The following C19orf38 variants were observed in gnomAD, a reference collection of about 807,000 sequenced individuals.
C19orf38 encodes the protein chromosome 19 open reading frame 38, also known as protein HIDE1.
In C19orf38, 14 loss-of-function variants were observed where a neutral mutation model predicts 26.6. The ratio of observed to expected loss-of-function variants is 0.53; its 90% CI spans 0.35 to 0.82. The LOEUF is 0.82. Ranked by LOEUF, C19orf38 falls within the 40% of genes least tolerant of loss-of-function variation. The pLI is 0.01. For synonymous variants in C19orf38, 132 were observed against 128.5 expected (o/e 1.03, Z -0.18); for missense variants, 261 against 299.5 (o/e 0.87, Z 0.95).
intron 1 of C19orf38, among the ~76,000 whole-genome samples, chr19:10,840,606 C>A (rs1199868591): frequency 6.6e-6 from 1 of 152,214 alleles, no homozygotes; most frequent in Non-Finnish European, 1.5e-5. Flanking sequence ...TCAACCTCTG[C>A]CTCCCAGGTT....
chr19:10,837,277 A>T (rs1025494987), intron 1 of C19orf38, among the ~76,000 whole-genome samples: 3 of 152,138 alleles, frequency 2.0e-5, no homozygotes, highest in African/African-American at 7.2e-5. Context: ...AACCCGGAAA[A>T]GGTTGGCAGG....
At chr19:10,838,618 C>G (rs1202706137) in intron 1 of C19orf38, among the ~76,000 whole-genome samples, 4 of 152,074 alleles carry the variant, frequency 2.6e-5, no homozygotes, top group South Asian at 2.1e-4. Flanking sequence ...AGAACAAGGA[C>G]CAGGACACAC....
intron 3 of C19orf38, among the ~76,000 whole-genome samples, chr19:10,858,072 T>C (rs1266553870): frequency 6.6e-6 from 1 of 150,448 alleles, no homozygotes; most frequent in Non-Finnish European, 1.5e-5. Flanking sequence ...TCTACTAAAA[T>C]ACAAAAATAG....
chr19:10,843,800 C>T (rs2073495538), upstream of C19orf38, among the ~76,000 whole-genome samples: 1 of 152,056 alleles, frequency 6.6e-6, no homozygotes, highest in Non-Finnish European at 1.5e-5. Flanking sequence ...CCTTGTGCTC[C>T]GAGAGGAGGA....
chr19:10,841,280 C>G (rs779502139), intron 1 of C19orf38, among the ~76,000 whole-genome samples: 5 of 151,782 alleles, frequency 3.3e-5, no homozygotes, highest in Admixed American at 3.3e-4. Flanking sequence ...CCAGCCTTGG[C>G]AACGTAGAGA....
chr19:10,863,129 C>A (rs1270314927), intron 5 of C19orf38, 41 bp from the exon 6 acceptor site: 3 of 1,542,242 alleles, frequency 1.9e-6, no homozygotes, highest in Admixed American at 2.0e-5. Context: ...GAAGTTACAA[C>A]TGGCCCCCAA....
chr19:10,859,348 G>GTATATA (rs1164393634), intron 4 of C19orf38, among the ~76,000 whole-genome samples: 54 of 55,918 alleles, frequency 9.7e-4, no homozygotes, highest in Non-Finnish European at 1.3e-3. Context: ...GTGTGTGTGT[G>GTATATA]TATATATATA....
intron 1 of C19orf38, among the ~76,000 whole-genome samples, chr19:10,848,757 A>G (rs1302307324): frequency 2.0e-5 from 3 of 151,994 alleles, no homozygotes; most frequent in Non-Finnish European, 4.4e-5. Context: ...AAGTTTATGA[A>G]TATCAGAAAT....
intron 6 of C19orf38, among the ~76,000 whole-genome samples, chr19:10,867,194 C>T (rs1343933510): frequency 5.3e-5 from 8 of 152,016 alleles, no homozygotes; most frequent in Non-Finnish European, 1.2e-4. Flanking sequence ...TGTGGATTTG[C>T]CTCTTCTGGA....
chr19:10,853,591 C>A (rs1424417368), intron 2 of C19orf38, among the ~76,000 whole-genome samples: 2 of 146,506 alleles, frequency 1.4e-5, no homozygotes, highest in African/African-American at 5.1e-5. Flanking sequence ...CAGCTCCCCC[C>A]AATTTTTTTT....
intron 4 of C19orf38, among the ~76,000 whole-genome samples, chr19:10,859,308 A>G (rs962764497): frequency 1.7e-3 from 134 of 79,852 alleles, no homozygotes; most frequent in South Asian, 2.7e-3. Context: ...GTGTGTGTGT[A>G]TGTATGTGTG....
At chr19:10,863,845 G>A (rs1024758483) in intron 6 of C19orf38, among the ~76,000 whole-genome samples, 2 of 152,100 alleles carry the variant, frequency 1.3e-5, no homozygotes, top group Non-Finnish European at 2.9e-5. Flanking sequence ...CCCAGGAGGT[G>A]GAGGTAGCAG....
rs2146284341 is a variant in C19orf38 at position 10,869,459 on chromosome 19, T to C, written c.*92T>C. ...TGGGGGGGCTCTGTCAGCCACTTTCTCAGGGAATTGGACAGAGGAAAGGAA... is the reference window on the plus strand; with the variant it reads ...TGGGGGGGCTCTGTCAGCCACTTTCCCAGGGAATTGGACAGAGGAAAGGAA... On this transcript the variant is annotated 3_prime_UTR_variant, in exon 7 of 7. Coordinates refer to ENST00000397820, the MANE Select transcript of C19orf38 (RefSeq NM_001136482.3). 2 of 1,420,990 alleles carry C rather than the reference T, an allele frequency of 1.4e-6. No homozygotes were observed. The highest frequency in any genetic ancestry group is 2.9e-5 in the African/African-American group (2 of 69,050). 88.0% of individuals were successfully genotyped at this position (1,420,990 alleles called of 1,614,324 possible). A position where few individuals can be genotyped will look rare whatever the true frequency, so the allele number is the denominator to read the frequency against.
upstream of C19orf38, among the ~76,000 whole-genome samples, chr19:10,846,599 T>C (rs1336938203): frequency 6.6e-6 from 1 of 152,002 alleles, no homozygotes; most frequent in Non-Finnish European, 1.5e-5. Context: ...AAAAGATCAA[T>C]AACAATGATT....
At chr19:10,850,850 G>A (rs150955143) in intron 2 of C19orf38, among the ~76,000 whole-genome samples, 5 of 152,110 alleles carry the variant, frequency 3.3e-5, no homozygotes, top group South Asian at 2.1e-4. Context: ...ATTCTTCTCC[G>A]TCTTATTGTC....
At chr19:10,859,330 ATG>A (rs35222384) in intron 4 of C19orf38, among the ~76,000 whole-genome samples, 4,212 of 64,798 alleles carry the variant, frequency 0.065, 407 homozygotes, top group East Asian at 0.44. Context: ...GTGTGTATGT[ATG>A]TGTGTGTGTG....
At chr19:10,857,898 G>T (rs201015095) in intron 3 of C19orf38, among the ~76,000 whole-genome samples, 2 of 50,304 alleles carry the variant, frequency 4.0e-5, no homozygotes, top group Admixed American at 2.1e-4. Flanking sequence ...AACAAAAAAA[G>T]AAAGAAAGAA....
At chr19:10,851,690 T>C (rs1209068488) in intron 2 of C19orf38, among the ~76,000 whole-genome samples, 1 of 151,784 alleles carries the variant, frequency 6.6e-6, no homozygotes, top group Admixed American at 6.6e-5. Flanking sequence ...AAAAATAGGC[T>C]GGGCGTGGTG....
At chr19:10,851,850 C>T (rs1242022842) in intron 2 of C19orf38, among the ~76,000 whole-genome samples, 1 of 151,894 alleles carries the variant, frequency 6.6e-6, no homozygotes, top group Non-Finnish European at 1.5e-5. Flanking sequence ...CACCTGTAGT[C>T]CCAGCTACTC....
Sources: allele counts gnomAD v4.1 joint callset (sites outside exome capture counted in the v4.1 genomes callset), GRCh38; gene constraint gnomAD v4.1.1; transcripts MANE v1.5; gene names NCBI Gene and HGNC (gene_info 2026-07-23, HGNC 2026-07-21).